The following PDZRN3 variants were observed in gnomAD, a reference collection of about 807,000 sequenced individuals.
PDZRN3 encodes the protein PDZ domain containing ring finger 3, also known as E3 ubiquitin-protein ligase PDZRN3.
PDZRN3 carries 38 observed loss-of-function variants against 85.7 expected under a neutral mutation model. That is an observed-to-expected ratio of 0.44 (90% confidence interval 0.34 to 0.58). The LOEUF is 0.58. Ranked by LOEUF, PDZRN3 falls within the 20% of genes least tolerant of loss-of-function variation. The probability of loss-of-function intolerance (pLI) is 0.01; values close to 1 mark genes in which losing one functional copy is unlikely to be tolerated. For synonymous variants in PDZRN3, 759 were observed against 638.0 expected (o/e 1.19, Z -2.86); for missense variants, 1,629 against 1,506.4 (o/e 1.08, Z -1.35).
At chr3:73,579,213 A>G (rs1702164468) in intron 3 of PDZRN3, among the ~76,000 whole-genome samples, 1 of 152,304 alleles carries the variant, frequency 6.6e-6, no homozygotes. Context: ...GAAAGCAAGA[A>G]GGTACCATCT....
chr3:73,385,861 T>C (rs1701369723), intron 8 of PDZRN3, 76 bp from the exon 9 acceptor site: 2 of 851,492 alleles, frequency 2.3e-6, no homozygotes, highest in Non-Finnish European at 4.0e-6. Flanking sequence ...AAAATGACAT[T>C]ACCTTGGGGG....
intron 3 of PDZRN3, among the ~76,000 whole-genome samples, chr3:73,503,604 A>T (rs1007883115): frequency 6.6e-6 from 1 of 152,240 alleles, no homozygotes; most frequent in Non-Finnish European, 1.5e-5. Flanking sequence ...GTTTTTGACT[A>T]TAGAGGACAT....
chr3:73,604,836 C>A (rs1205607588), intron 2 of PDZRN3, among the ~76,000 whole-genome samples: 6 of 151,854 alleles, frequency 4.0e-5, no homozygotes, highest in Non-Finnish European at 8.8e-5. Context: ...CTAGAAAGTT[C>A]AAGCAAAAAT....
At chr3:73,507,037 C>A (rs1353393202) in intron 3 of PDZRN3, among the ~76,000 whole-genome samples, 1 of 152,188 alleles carries the variant, frequency 6.6e-6, no homozygotes, top group Admixed American at 6.5e-5. Flanking sequence ...CATTAAAAGC[C>A]CTGAGGCTGA....
intron 3 of PDZRN3, among the ~76,000 whole-genome samples, chr3:73,509,462 T>G (rs1218261217): frequency 6.6e-6 from 1 of 152,168 alleles, no homozygotes; most frequent in East Asian, 1.9e-4. Flanking sequence ...CTGGCTCAGT[T>G]TCCTCTTCTA....
At chr3:73,590,031 G>C (rs1413578678) in intron 3 of PDZRN3, among the ~76,000 whole-genome samples, 3 of 152,070 alleles carry the variant, frequency 2.0e-5, no homozygotes, top group Non-Finnish European at 4.4e-5. Flanking sequence ...CACTTTGGGA[G>C]GCCAAGGCAG....
At chr3:73,400,696 T>TA (rs1701730864) in intron 5 of PDZRN3, among the ~76,000 whole-genome samples, 1 of 152,290 alleles carries the variant, frequency 6.6e-6, no homozygotes, top group Admixed American at 6.5e-5. Context: ...TGATTCAAAT[T>TA]AAAAAAAGTT....
chr3:73,494,073 T>G (rs1177736425), intron 3 of PDZRN3, among the ~76,000 whole-genome samples: 1 of 152,352 alleles, frequency 6.6e-6, no homozygotes, highest in East Asian at 1.9e-4. Flanking sequence ...CAATGAATTG[T>G]CATTTGCTTT....
At position 73,384,327 on chromosome 3, in the gene PDZRN3, GGAGCTCGGTGATATCTGA is replaced by G; in HGVS notation, c.2221_2238del (p.Ser741_Leu746del). On this transcript the variant is annotated inframe_deletion, in exon 10 of 10. Coordinates refer to ENST00000263666, the MANE Select transcript of PDZRN3 (RefSeq NM_015009.3). ...GAGCTGTCCTTGTCGGATTTCTCCG[GGAGCTCGGTGATATCTGA>G]GAGCTCGTGTCTGCGCACGTCGATG... is the stretch of plus-strand genomic sequence containing the variant. 1.9e-6 allele frequency: 3 copies of G among 1,611,720 alleles called. No individual in the cohort carries two copies. Among genetic ancestry groups the G allele is most frequent in the Non-Finnish European group, 2.5e-6 (3 of 1,179,960 alleles).
At position 73,539,477 on chromosome 3, in the gene PDZRN3, A is replaced by G. The variant is rs111951691; in HGVS notation, c.918+62877T>C. On this transcript the variant is annotated intron_variant, in intron 3 of 9. Transcript: ENST00000263666. ...ACTCAGTTGCACTAATAGAACACAG[A>G]AGTGACAACAGGTGACTTCTGAGTG... Among the ~76,000 whole-genome samples, 759 of 152,270 alleles carry G rather than the reference A, an allele frequency of 5.0e-3. 3 individuals are homozygous for G. The highest frequency in any genetic ancestry group is 0.018 in the African/African-American group (741 of 41,558).
chr3:73,622,974 C>T (rs1702891341), intron 1 of PDZRN3, among the ~76,000 whole-genome samples: 1 of 152,118 alleles, frequency 6.6e-6, no homozygotes, highest in Non-Finnish European at 1.5e-5. Flanking sequence ...AAAGCTGTGA[C>T]CCAGGCATGA....
intron 8 of PDZRN3, 73 bp from the exon 9 acceptor site, chr3:73,385,858 C>T: frequency 1.1e-6 from 1 of 896,276 alleles, no homozygotes; most frequent in Non-Finnish European, 1.8e-6. Context: ...TTAAAAATGA[C>T]ATTACCTTGG....
intron 3 of PDZRN3, among the ~76,000 whole-genome samples, chr3:73,478,637 G>A (rs1291365498): frequency 1.3e-5 from 2 of 152,054 alleles, no homozygotes; most frequent in Non-Finnish European, 2.9e-5. Flanking sequence ...ATCAACTTCT[G>A]CCCCGCCCAG....
Position 73,478,398 on chromosome 3 carries a change from G to T in PDZRN3, c.919-74003C>A, listed in dbSNP as rs185959737. Among the ~76,000 whole-genome samples the T allele has an allele frequency of 1.1e-3, 170 of 152,172 alleles. 1 individual carries two copies. Among genetic ancestry groups the T allele is most frequent in the Middle Eastern group, 6.8e-3 (2 of 294 alleles). On this transcript the variant is annotated intron_variant, in intron 3 of 9. Coordinates refer to ENST00000263666, the MANE Select transcript of PDZRN3 (RefSeq NM_015009.3). ...TCTGCTTAAGAGGGATCTAGGTTGT[G>T]CACTCCTTATAGAAATCTAATGCCT...
chr3:73,587,037 T>C (rs1274389875), intron 3 of PDZRN3, among the ~76,000 whole-genome samples: 1 of 152,168 alleles, frequency 6.6e-6, no homozygotes, highest in Non-Finnish European at 1.5e-5. Flanking sequence ...TTGATTTAGT[T>C]TTGCCATGAG....
chr3:73,436,414 G>A (rs1332258620), intron 3 of PDZRN3, among the ~76,000 whole-genome samples: 1 of 152,192 alleles, frequency 6.6e-6, no homozygotes, highest in Non-Finnish European at 1.5e-5. Flanking sequence ...AGTACCAGCA[G>A]GGAGAGGAAA....
At chr3:73,606,640 C>T (rs889842294) in intron 2 of PDZRN3, among the ~76,000 whole-genome samples, 3 of 152,184 alleles carry the variant, frequency 2.0e-5, no homozygotes, top group African/African-American at 4.8e-5. Context: ...GTGATGACAT[C>T]CCTGGGGCTC....
chr3:73,408,007 T>C, intron 3 of PDZRN3: 1 of 609,650 alleles, frequency 1.6e-6, no homozygotes, highest in Non-Finnish European at 2.9e-6. Context: ...CACAAGAATG[T>C]CCCCCCTGCC....
Position 73,382,855 on chromosome 3 carries a change from T to TAGATC in PDZRN3, c.*509_*510insGATCT. The TAGATC allele has an allele frequency of 6.5e-6, 1 of 154,312 alleles. No individual in the cohort carries two copies. Among genetic ancestry groups the TAGATC allele is most frequent in the Non-Finnish European group, 1.4e-5 (1 of 69,036 alleles). The allele number at this position is 154,312 out of a possible 1,614,324, so 9.6% of individuals were successfully genotyped here. ...ATGTATTAAATCGTTAACCACCGGG[T>TAGATC]TGGGTGGTTTTGAGTTGAAACCTTC... is the stretch of plus-strand genomic sequence containing the variant. On this transcript the variant is annotated 3_prime_UTR_variant, in exon 10 of 10. Transcript: ENST00000263666.
Sources: gnomAD v4.1 joint callset for allele counts (sites outside exome capture counted in the v4.1 genomes callset) on GRCh38, gnomAD v4.1.1 for gene constraint, MANE v1.5 for transcripts, NCBI Gene and HGNC (gene_info 2026-07-23, HGNC 2026-07-21) for gene names.